The following CDH13 variants were observed in gnomAD, a reference collection of about 807,000 sequenced individuals.
CDH13 encodes cadherin-13.
In CDH13, 24 loss-of-function variants were observed where a neutral mutation model predicts 63.8. The observed-to-expected ratio is 0.38, with a 90% CI of 0.27 to 0.53. The LOEUF is 0.53. Ranked by LOEUF, CDH13 falls within the 20% of genes least tolerant of loss-of-function variation. The pLI, the probability that CDH13 is intolerant of heterozygous loss-of-function variation, is 0.85. For missense variants in CDH13, 1,049 were observed against 903.1 expected (o/e 1.16, Z -2.07); for synonymous variants, 503 against 355.3 (o/e 1.42, Z -4.67).
At chr16:83,107,851 G>T (rs759548930) in intron 3 of CDH13, among the ~76,000 whole-genome samples, 1 of 149,422 alleles carries the variant, frequency 6.7e-6, no homozygotes, top group Non-Finnish European at 1.5e-5. Context: ...ACGGCATCTC[G>T]CTCTGTTGCC....
chr16:82,712,056 TG>T (rs1408618834), intron 1 of CDH13, among the ~76,000 whole-genome samples: 1 of 152,182 alleles, frequency 6.6e-6, no homozygotes, highest in Non-Finnish European at 1.5e-5. Context: ...ATACTTCTCT[TG>T]GGAGAAAGAT....
chr16:82,672,688 A>T (rs1011387819), intron 1 of CDH13, among the ~76,000 whole-genome samples: 3 of 150,442 alleles, frequency 2.0e-5, no homozygotes, highest in African/African-American at 7.4e-5. Context: ...TCACTGATTC[A>T]CTGTTCTCCA....
intron 1 of CDH13, among the ~76,000 whole-genome samples, chr16:82,664,999 C>G (rs576905867): frequency 6.6e-6 from 1 of 152,080 alleles, no homozygotes; most frequent in South Asian, 2.1e-4. Context: ...TCTGTAGCTC[C>G]CAAATCAGTG....
chr16:82,884,224 A>C lies in CDH13; in HGVS notation c.157+25751A>C, dbSNP rs111748900. 9.2e-5 allele frequency: 42 copies of C among 455,864 alleles called. 2 individuals carry two copies. The highest frequency in any genetic ancestry group is 7.8e-4 in the African/African-American group (39 of 50,172). The allele number at this position is 455,864 out of a possible 1,614,324, so 28.2% of individuals were successfully genotyped here. ...CTGACAGACTTTTAAAGTAGAGGCC[A>C]CTTTTAAAAGCCTGGGCTCCCATGA... On this transcript the variant is annotated intron_variant, in intron 2 of 13. Coordinates refer to ENST00000567109, the MANE Select transcript of CDH13 (RefSeq NM_001257.5).
intron 7 of CDH13, among the ~76,000 whole-genome samples, chr16:83,556,386 C>A (rs2075602823): frequency 6.6e-6 from 1 of 152,160 alleles, no homozygotes; most frequent in African/African-American, 2.4e-5. Context: ...CACCACAGTC[C>A]TCAGCATCAT....
At chr16:83,004,793 G>A (rs1056608182) in intron 2 of CDH13, among the ~76,000 whole-genome samples, 1 of 152,174 alleles carries the variant, frequency 6.6e-6, no homozygotes, top group Non-Finnish European at 1.5e-5. Flanking sequence ...GTGCCACCCA[G>A]CCAAGGACTC....
chr16:83,624,083 C>T (rs542102260), intron 8 of CDH13, among the ~76,000 whole-genome samples: 60 of 152,270 alleles, frequency 3.9e-4, no homozygotes, highest in Non-Finnish European at 8.4e-4. Flanking sequence ...ACAATGTGGA[C>T]GGGATGCTCC....
rs554548175 is a variant in CDH13, at chr16:83,463,554, G to A, written c.782-22923G>A. 5.3e-5 allele frequency among the ~76,000 whole-genome samples: 8 copies of A among 152,262 alleles called. No individual in the cohort carries two copies. The East Asian group carries it at 9.7e-4, about 18-fold the overall frequency. On this transcript the variant is annotated intron_variant, in intron 6 of 13. Coordinates refer to ENST00000567109, the MANE Select transcript of CDH13 (RefSeq NM_001257.5). Reference sequence around the variant, plus strand: ...AATGGCTCCTGCTTGTAATCCCAGCGCTTTGGCAGGCCACAGCAGGAGGTT... The same window carrying A: ...AATGGCTCCTGCTTGTAATCCCAGCACTTTGGCAGGCCACAGCAGGAGGTT...
intron 1 of CDH13, among the ~76,000 whole-genome samples, chr16:82,677,610 C>G (rs549631840): frequency 6.6e-6 from 1 of 152,154 alleles, no homozygotes; most frequent in South Asian, 2.1e-4. Context: ...AGAGCTCATT[C>G]TAACTTAAGG....
At chr16:82,715,143 C>T (rs976420101) in intron 1 of CDH13, among the ~76,000 whole-genome samples, 2 of 151,048 alleles carry the variant, frequency 1.3e-5, no homozygotes, top group Admixed American at 1.3e-4. Flanking sequence ...TATTAACTCA[C>T]TCAGTTCATG....
chr16:83,784,013 T>G (rs1179871834), intron 13 of CDH13, among the ~76,000 whole-genome samples: 5 of 152,206 alleles, frequency 3.3e-5, no homozygotes, highest in Non-Finnish European at 7.3e-5. Flanking sequence ...AATGAATTAT[T>G]ATGCCAAGTA....
chr16:83,651,813 T>A (rs1256558890), intron 8 of CDH13, among the ~76,000 whole-genome samples: 1 of 152,098 alleles, frequency 6.6e-6, no homozygotes, highest in East Asian at 1.9e-4. Flanking sequence ...CCAGCTGGTC[T>A]CAGACTCCTG....
At chr16:82,853,116 A>G (rs2039559383) in intron 1 of CDH13, among the ~76,000 whole-genome samples, 1 of 152,184 alleles carries the variant, frequency 6.6e-6, no homozygotes, top group South Asian at 2.1e-4. Flanking sequence ...CTTGCATGGA[A>G]GAGAGATCTC....
chr16:83,354,277 A>G lies in CDH13; in HGVS notation c.781+9271A>G, dbSNP rs574562226. Among the ~76,000 whole-genome samples, 7 of 152,358 alleles carry G rather than the reference A, an allele frequency of 4.6e-5. No individual in the cohort carries two copies. In the South Asian group the frequency reaches 1.4e-3, roughly 32 times the overall value. On this transcript the variant is annotated intron_variant, in intron 6 of 13. Coordinates refer to ENST00000567109, the MANE Select transcript of CDH13 (RefSeq NM_001257.5). ...ATAGCCCAGCAATTTTTAGCACTGC[A>G]GCTGAGTAAAACAGAGTGGCAGATC...
intron 6 of CDH13, among the ~76,000 whole-genome samples, chr16:83,451,273 A>G (rs2072879723): frequency 6.6e-6 from 1 of 152,206 alleles, no homozygotes; most frequent in South Asian, 2.1e-4. Context: ...AAGGCGAAGG[A>G]GGAGCAAAGT....
At chr16:82,851,488 G>A (rs1038805006) in intron 1 of CDH13, among the ~76,000 whole-genome samples, 6 of 150,690 alleles carry the variant, frequency 4.0e-5, no homozygotes, top group Non-Finnish European at 8.9e-5. Context: ...CAATGGGACC[G>A]ACGAAACTAA....
chr16:83,230,883 G>T (rs967504113), intron 5 of CDH13, among the ~76,000 whole-genome samples: 1 of 152,348 alleles, frequency 6.6e-6, no homozygotes, highest in African/African-American at 2.4e-5. Flanking sequence ...GGAAATCTGG[G>T]CCCTAAGATA....
At chr16:83,370,376 A>G (rs2091343288) in intron 6 of CDH13, among the ~76,000 whole-genome samples, 1 of 148,100 alleles carries the variant, frequency 6.8e-6, no homozygotes. Flanking sequence ...TAACACAGCG[A>G]GACTCCATTT....
rs150817983 is a variant in CDH13 at position 83,045,766 on chromosome 16, C to G, written c.366+13548C>G. Among the ~76,000 whole-genome samples the G allele has an allele frequency of 3.8e-3, 579 of 152,014 alleles. 6 individuals are homozygous for G. Among genetic ancestry groups the G allele is most frequent in the African/African-American group, 0.013 (531 of 41,430 alleles). ...CTATTTGATTCTCTGTTCTCAACAC[C>G]CAAAACTTAGGCAGTAAAGAAACAG... On this transcript the variant is annotated intron_variant, in intron 3 of 13. Transcript: ENST00000567109.
Sources: gnomAD v4.1 joint callset for allele counts (sites outside exome capture counted in the v4.1 genomes callset) on GRCh38, gnomAD v4.1.1 for gene constraint, MANE v1.5 for transcripts, NCBI Gene and HGNC (gene_info 2026-07-23, HGNC 2026-07-21) for gene names.